The following ABHD1 variants were observed in gnomAD, a reference collection of about 807,000 sequenced individuals.
The protein encoded by ABHD1 is abhydrolase domain containing 1.
In ABHD1, 47 loss-of-function variants were observed where a neutral mutation model predicts 41.4. The observed-to-expected ratio is 1.13, with a 90% CI of 0.90 to 1.45. ABHD1 has a LOEUF of 1.45. ABHD1 is among the 40% of genes most tolerant of loss of function. ABHD1 has a pLI of 0.00. For synonymous variants in ABHD1, 205 were observed against 203.7 expected, an observed-to-expected ratio of 1.01 and a Z score of -0.05; for missense variants, 550 against 503.4, an observed-to-expected ratio of 1.09 and a Z score of -0.89.
Position 27,130,540 on chromosome 2 carries a change from C to T in ABHD1, c.1014C>T (p.Pro338=), listed in dbSNP as rs2148415844. 1.9e-6 allele frequency: 3 copies of T among 1,614,142 alleles called. No homozygotes were observed. In the East Asian group the frequency reaches 6.7e-5, roughly 36 times the overall value. Residue 338 remains proline (P), a synonymous_variant, in exon 9 of 9, where the codon CCC becomes CCT. Transcript: ENST00000316470. The part of the protein sequence containing the change: ...DDPFSPVCAL[P]IQAAQHSPYV... ...CCTCTGACCCTCTCCTAGCCCTTCCCATACAGGCCGCCCAACACTCCCCCT... is the reference window on the plus strand; with the variant it reads ...CCTCTGACCCTCTCCTAGCCCTTCCTATACAGGCCGCCCAACACTCCCCCT...
chr2:27,123,853 C>T lies in ABHD1; in HGVS notation c.-96C>T, dbSNP rs1186960466. On this transcript the variant is annotated 5_prime_UTR_variant, in exon 1 of 9. Transcript: ENST00000316470. The stretch of plus-strand genomic sequence containing the variant: ...GCCTGCAGCGGGGACCGGACCTGCA[C>T]AGGCCGCCTATGGCGGGCGGCGGGT... The T allele has an allele frequency of 9.2e-7, 1 of 1,091,842 alleles. No homozygotes were observed. Among genetic ancestry groups the T allele is most frequent in the Admixed American group, 1.8e-5 (1 of 54,968 alleles). The allele number at this position is 1,091,842 out of a possible 1,614,324, so 67.6% of individuals were successfully genotyped here.
In ABHD1 at chr2:27,128,565, T is replaced by C; in HGVS notation, c.239T>C (p.Val80Ala). 6.2e-7 allele frequency: 1 copy of C among 1,613,644 alleles called. No individual in the cohort carries two copies. The highest frequency in any genetic ancestry group is 1.3e-5 in the African/African-American group (1 of 74,860). ...GGGCGACTACAAAGCATCTTCCAAG[T>C]CCTCCTGCAGTCTCAGCCCCTAGTC... The part of the protein sequence containing the change: ...FEGRLQSIFQ[V>A]LLQSQPLVLY... Residue 80 changes from valine to alanine, a missense_variant, in exon 2 of 9, where the codon GTC becomes GCC. Physicochemically the swap from Val to Ala is moderately conservative, Grantham distance 64. Transcript: ENST00000316470.
rs778914663 is a variant in ABHD1, at chr2:27,130,474, AACAG to A, written c.1007-54_1007-51del. On this transcript the variant is annotated intron_variant, in intron 8 of 8. Transcript: ENST00000316470. Reference sequence around the variant, plus strand: ...AAGGAAAATGGGCCATGAGGGACGCAACAGACAGCCTGGGCTCCCAGTGAAGGCC... The same window carrying A: ...AAGGAAAATGGGCCATGAGGGACGCAACAGCCTGGGCTCCCAGTGAAGGCC... 6 of 1,611,912 alleles carry A rather than the reference AACAG, an allele frequency of 3.7e-6. No individual in the cohort carries two copies. In the East Asian group the frequency reaches 1.3e-4, roughly 36 times the overall value.
chr2:27,130,495 G>T (rs750301009), intron 8 of ABHD1, 38 bp from the exon 9 acceptor site: 1 of 1,611,702 alleles, frequency 6.2e-7, no homozygotes, highest in South Asian at 1.1e-5. Flanking sequence ...TGGGCTCCCA[G>T]TGAAGGCCAG....
rs146509505 is a variant in ABHD1 at position 27,124,060 on chromosome 2, C to A, written c.112C>A (p.Gln38Lys). 198 of 1,613,976 alleles carry A rather than the reference C, an allele frequency of 1.2e-4. No homozygotes were observed. Among genetic ancestry groups the A allele is most frequent in the Middle Eastern group, 4.9e-4 (3 of 6,062 alleles). The change falls in exon 1 of 9, where the codon CAG becomes AAG. Residue 38 changes from glutamine (Q) to lysine (K), a missense_variant and splice_region_variant. Gln to Lys is a moderately conservative substitution (Grantham distance 53). Coordinates refer to ENST00000316470, the MANE Select transcript of ABHD1 (RefSeq NM_032604.4). ...GGGCTACTACTGGGCATGTGTGCTT[C>A]AGGTGGGTGCGGGTCCACCGCTCTG... ...YLGYYWACVL[Q>K]RPRLVAGPQF...
chr2:27,123,874 C>G lies in ABHD1; in HGVS notation c.-75C>G, dbSNP rs1320635559. On this transcript the variant is annotated 5_prime_UTR_variant, in exon 1 of 9. Transcript: ENST00000316470. ...TGCACAGGCCGCCTATGGCGGGCGG[C>G]GGGTGGGACCGCGAGTTACAGCCGG... 4.9e-6 allele frequency: 6 copies of G among 1,230,644 alleles called. No homozygotes were observed. The highest frequency in any genetic ancestry group is 4.3e-5 in the South Asian group (3 of 69,782). 76.2% of individuals were successfully genotyped at this position (1,230,644 alleles called of 1,614,324 possible). A position where few individuals can be genotyped will look rare whatever the true frequency, so the allele number is the denominator to read the frequency against.
intron 1 of ABHD1, chr2:27,124,841 A>G (rs964824132): frequency 6.5e-6 from 1 of 153,432 alleles, no homozygotes; most frequent in Non-Finnish European, 1.5e-5. Context: ...TATATTGTTT[A>G]CTAAATGTCT....
In ABHD1 at chr2:27,128,500, C is replaced by T. The variant is rs763903149; in HGVS notation, c.174C>T (p.Ile58=). The T allele has an allele frequency of 1.2e-6, 2 of 1,609,650 alleles. No individual in the cohort carries two copies. The highest frequency in any genetic ancestry group is 3.4e-5 in the Admixed American group (2 of 59,554). The part of the protein sequence containing the change: ...FLAFLEPHCS[I]TTETFYPTLW... The stretch of plus-strand genomic sequence containing the variant: ...CCTTCCTGGAGCCACACTGTTCCAT[C>T]ACCACCGAGACTTTCTACCCAACGC... The change falls in exon 2 of 9, where the codon ATC becomes ATT. Residue 58 remains isoleucine (I), a synonymous_variant. Transcript: ENST00000316470.
At chr2:27,128,701 C>A in intron 2 of ABHD1, 100 bp downstream of exon 2, 1 of 1,492,374 alleles carries the variant, frequency 6.7e-7, no homozygotes, top group Non-Finnish European at 9.2e-7. Context: ...CATCTACATC[C>A]CTGTGTTGAG....
chr2:27,127,597 C>G (rs559707190), intron 1 of ABHD1, among the ~76,000 whole-genome samples: 1 of 147,388 alleles, frequency 6.8e-6, no homozygotes, highest in African/African-American at 2.5e-5. Context: ...GTGTCTCGCT[C>G]TATCACCAGG....
intron 1 of ABHD1, chr2:27,124,381 A>C: frequency 2.4e-6 from 1 of 409,226 alleles, no homozygotes; most frequent in South Asian, 1.9e-5. Context: ...GGTTTAGCTG[A>C]GTCTTTCAGC....
rs764947361 is a variant in ABHD1 at position 27,124,090 on chromosome 2, G to A, written c.114+28G>A. 1.0e-5 allele frequency: 16 copies of A among 1,603,150 alleles called. No individual in the cohort carries two copies. The African/African-American group carries it at 2.0e-4, about 20-fold the overall frequency. On this transcript the variant is annotated intron_variant, in intron 1 of 8. Transcript: ENST00000316470. Reference sequence around the variant, plus strand: ...GGGTGCGGGTCCACCGCTCTGGCCAGCGGGTTTGGGTGTAGGGGGCAGCTT... The same window carrying A: ...GGGTGCGGGTCCACCGCTCTGGCCAACGGGTTTGGGTGTAGGGGGCAGCTT...
At chr2:27,126,889 CAGG>C (rs1295872322) in intron 1 of ABHD1, 2 of 147,926 alleles carry the variant, frequency 1.4e-5, no homozygotes, top group African/African-American at 5.0e-5. Flanking sequence ...ATCACGAGGT[CAGG>C]AGATCGAGAC....
chr2:27,128,448 G>T lies in ABHD1; in HGVS notation c.122G>T (p.Arg41Leu). 1 of 1,613,856 alleles carries T rather than the reference G, an allele frequency of 6.2e-7. No homozygotes were observed. Among genetic ancestry groups the T allele is most frequent in the Non-Finnish European group, 8.5e-7 (1 of 1,180,000 alleles). ...YYWACVLQRP[R>L]LVAGPQFLAF... is the part of the protein sequence containing the mutation. The stretch of plus-strand genomic sequence containing the variant: ...ACTGCTGTGTGATTACAGAGGCCTC[G>T]GCTGGTGGCTGGGCCGCAGTTTCTG... Residue 41 changes from arginine (R) to leucine (L), a missense_variant, in exon 2 of 9, where the codon CGG (arginine) becomes CTG (leucine). Physicochemically the swap from Arg to Leu is moderately radical, Grantham distance 102. Transcript: ENST00000316470.
In ABHD1 at chr2:27,128,485, G is replaced by A; in HGVS notation, c.159G>A (p.Glu53=). The change falls in exon 2 of 9, where the codon GAG becomes GAA. Residue 53 remains glutamate, a synonymous_variant. Transcript: ENST00000316470. Reference sequence around the variant, plus strand: ...GGCCGCAGTTTCTGGCCTTCCTGGAGCCACACTGTTCCATCACCACCGAGA... The same window carrying A: ...GGCCGCAGTTTCTGGCCTTCCTGGAACCACACTGTTCCATCACCACCGAGA... ...VAGPQFLAFL[E]PHCSITTETF... is the part of the protein sequence containing the mutation. 3.1e-6 allele frequency: 5 copies of A among 1,609,938 alleles called. No homozygotes were observed. The highest frequency in any genetic ancestry group is 4.2e-6 in the Non-Finnish European group (5 of 1,178,516).
chr2:27,129,181 G>A, intron 3 of ABHD1, 54 bp downstream of exon 3: 2 of 1,597,122 alleles, frequency 1.3e-6, no homozygotes, highest in Non-Finnish European at 8.6e-7. Flanking sequence ...GTGTATTAGG[G>A]AGAAGTCAAT....
Position 27,130,137 on chromosome 2 carries a change from T to TA in ABHD1, c.825dup (p.Asp276ArgfsTer13). ...AAGGTGATTGAAAAGGTGGTGGACATAGACTTTGTACTACAGGTATAATAT... is the reference window on the plus strand; with the variant it reads ...AAGGTGATTGAAAAGGTGGTGGACATAAGACTTTGTACTACAGGTATAATAT... On this transcript the variant is annotated frameshift_variant, in exon 7 of 9. Coordinates refer to ENST00000316470, the MANE Select transcript of ABHD1 (RefSeq NM_032604.4). LOFTEE classifies it high-confidence loss of function. 6.2e-7 allele frequency: 1 copy of TA among 1,614,202 alleles called. No homozygotes were observed. The highest frequency in any genetic ancestry group is 8.5e-7 in the Non-Finnish European group (1 of 1,180,054).
At position 27,129,629 on chromosome 2, in the gene ABHD1, A is replaced by G. The variant is rs374100126; in HGVS notation, c.617+3A>G. On this transcript the variant is annotated splice_donor_region_variant and intron_variant, in intron 5 of 8. Coordinates refer to ENST00000316470, the MANE Select transcript of ABHD1 (RefSeq NM_032604.4). ...GCCGTGGGCATCTCTTTTGGAGGGT[A>G]AAGATTGCCTGGGCTTAGCCCAGAG... The G allele has an allele frequency of 1.2e-5, 19 of 1,612,164 alleles. No individual in the cohort carries two copies. The highest frequency in any genetic ancestry group is 1.5e-5 in the Non-Finnish European group (18 of 1,179,964).
Position 27,129,297 on chromosome 2 carries a change from G to A in ABHD1, c.459-19G>A, listed in dbSNP as rs1160942503. On this transcript the variant is annotated intron_variant, in intron 3 of 8. Transcript: ENST00000316470. ...GGGCTAAGAAGGGTCTGGCTAAGAT[G>A]TACCTGTGTGTGCCACAGGGCTGTC... 9.3e-6 allele frequency: 15 copies of A among 1,613,944 alleles called. No homozygotes were observed. Among genetic ancestry groups the A allele is most frequent in the African/African-American group, 5.3e-5 (4 of 74,916 alleles).
Sources: allele counts gnomAD v4.1 joint callset (sites outside exome capture counted in the v4.1 genomes callset), GRCh38; gene constraint gnomAD v4.1.1; transcripts MANE v1.5; gene names NCBI Gene and HGNC (gene_info 2026-07-23, HGNC 2026-07-21).